SV2B: variants seen among roughly 807,000 people sequenced by gnomAD.
SV2B encodes the protein synaptic vesicle glycoprotein 2B, also known as solute carrier family 22 member B2.
A neutral mutation model predicts 73.9 loss-of-function variants in SV2B; 41 were observed. The observed-to-expected ratio is 0.56, with a 90% CI of 0.43 to 0.72. SV2B has a LOEUF of 0.72. Among genes scored for constraint, SV2B ranks in the 30% least tolerant of loss-of-function variants. SV2B has a pLI of 0.00. For missense variants in SV2B, 764 were observed against 857.8 expected (o/e 0.89, Z 1.37); for synonymous variants, 314 against 314.2 (o/e 1.00, Z 0.01).
At chr15:91,205,435 G>A (rs544426544) in intron 1 of SV2B, among the ~76,000 whole-genome samples, 4 of 151,776 alleles carry the variant, frequency 2.6e-5, no homozygotes, top group South Asian at 2.1e-4. Context: ...TGGTGATCTC[G>A]GTACACTGCA....
At chr15:91,188,218 T>C (rs969348271) in intron 1 of SV2B, among the ~76,000 whole-genome samples, 2 of 152,042 alleles carry the variant, frequency 1.3e-5, no homozygotes, top group African/African-American at 2.4e-5. Flanking sequence ...AAGGGGACTG[T>C]CTGTAGATTA....
At chr15:91,147,954 AC>A (rs949386468) in intron 1 of SV2B, among the ~76,000 whole-genome samples, 8 of 44,426 alleles carry the variant, frequency 1.8e-4, no homozygotes, top group Non-Finnish European at 2.8e-4. Flanking sequence ...CCCACCCCGC[AC>A]CCCCCCCAAC....
chr15:91,178,677 C>T (rs1461563052), intron 1 of SV2B, among the ~76,000 whole-genome samples: 13 of 151,472 alleles, frequency 8.6e-5, no homozygotes, highest in South Asian at 2.1e-4. Context: ...AGTTTATTTG[C>T]GTAGAGGTGT....
chr15:91,231,674 C>T lies in SV2B; in HGVS notation c.451+4960C>T, dbSNP rs2046580504. On this transcript the variant is annotated intron_variant, in intron 2 of 12. Coordinates refer to ENST00000394232, the MANE Select transcript of SV2B (RefSeq NM_001323032.3). The surrounding 1 kb of genome is among the most constrained non-coding windows in gnomAD (Gnocchi z 4.5). ...CCTCAACCTGGAACTGTGGGCTATT[C>T]CCTACCTTCATGCCTATAATAGTGA... 1.3e-5 allele frequency among the ~76,000 whole-genome samples: 2 copies of T among 152,154 alleles called. No individual in the cohort carries two copies. The highest frequency in any genetic ancestry group is 4.8e-5 in the African/African-American group (2 of 41,434).
At chr15:91,206,904 A>G (rs1325467461) in intron 1 of SV2B, among the ~76,000 whole-genome samples, 1 of 152,188 alleles carries the variant, frequency 6.6e-6, no homozygotes, top group Non-Finnish European at 1.5e-5. Flanking sequence ...ACATCATCCC[A>G]AATAGAAAAG....
rs1002556 is a variant in SV2B, at chr15:91,231,653, A to C, written c.451+4939A>C. 0.19 allele frequency among the ~76,000 whole-genome samples: 28,957 copies of C among 152,144 alleles called. 2,862 individuals carry two copies. Among genetic ancestry groups the C allele is most frequent in the African/African-American group, 0.22 (9,201 of 41,466 alleles). ...TTTCACAACTGCAAATAAGCACCTC[A>C]ACCTGGAACTGTGGGCTATTCCCTA... On this transcript the variant is annotated intron_variant, in intron 2 of 12. Coordinates refer to ENST00000394232, the MANE Select transcript of SV2B (RefSeq NM_001323032.3). The surrounding 1 kb of genome is among the most constrained non-coding windows in gnomAD (Gnocchi z 4.5).
chr15:91,104,063 C>T (rs1159356334), intron 1 of SV2B, among the ~76,000 whole-genome samples: 4 of 152,216 alleles, frequency 2.6e-5, no homozygotes, highest in Non-Finnish European at 1.5e-5. Flanking sequence ...TAGATGCGTA[C>T]CCTAGGGACT....
rs1318998735 is a variant in SV2B at position 91,234,653 on chromosome 15, A to G, written c.451+7939A>G. Among the ~76,000 whole-genome samples the G allele has an allele frequency of 6.6e-6, 1 of 152,196 alleles. No homozygotes were observed. The highest frequency in any genetic ancestry group is 1.5e-5 in the Non-Finnish European group (1 of 68,038). On this transcript the variant is annotated intron_variant, in intron 2 of 12. Transcript: ENST00000394232. This position sits in a 1 kb window ranked among gnomAD's most constrained non-coding sequence, Gnocchi z 5.6. ...GAAGTCTCATGAAATATAGAAACAGAGCATCATGGCTTCTTGGTCAATTCC... is the reference window on the plus strand; with the variant it reads ...GAAGTCTCATGAAATATAGAAACAGGGCATCATGGCTTCTTGGTCAATTCC...
At chr15:91,150,317 T>C (rs1470099534) in intron 1 of SV2B, among the ~76,000 whole-genome samples, 7 of 152,178 alleles carry the variant, frequency 4.6e-5, no homozygotes, top group Admixed American at 4.6e-4. Context: ...TCTGTCTGTC[T>C]CTCTATCACT....
At chr15:91,135,892 C>T (rs987296258) in intron 1 of SV2B, among the ~76,000 whole-genome samples, 1 of 152,192 alleles carries the variant, frequency 6.6e-6, no homozygotes, top group African/African-American at 2.4e-5. Flanking sequence ...CCTAAAACTC[C>T]TCTCTGTTCA....
intron 1 of SV2B, among the ~76,000 whole-genome samples, chr15:91,194,514 G>A (rs146531730): frequency 6.6e-6 from 1 of 152,176 alleles, no homozygotes; most frequent in African/African-American, 2.4e-5. Context: ...CAGAGTCTTA[G>A]ATATACGTAT....
In SV2B at chr15:91,274,694, A is replaced by C. The variant is rs986400218; in HGVS notation, c.1373+6089A>C. The stretch of plus-strand genomic sequence containing the variant: ...CATCTCACCAGCTATTTAGAAGTGC[A>C]TTTTAAGTGTCAAAATACCGTTAAA... On this transcript the variant is annotated intron_variant, in intron 9 of 12. Coordinates refer to ENST00000394232, the MANE Select transcript of SV2B (RefSeq NM_001323032.3). Among the ~76,000 whole-genome samples the C allele has an allele frequency of 2.0e-5, 3 of 152,168 alleles. No homozygotes were observed. The East Asian group carries it at 5.8e-4, about 29-fold the overall frequency.
At chr15:91,190,403 A>T (rs916645029) in intron 1 of SV2B, among the ~76,000 whole-genome samples, 4 of 150,716 alleles carry the variant, frequency 2.7e-5, no homozygotes, top group Non-Finnish European at 5.9e-5. Flanking sequence ...TATGTTTTAT[A>T]GTTGTGGTAA....
At position 91,283,204 on chromosome 15, in the gene SV2B, G is replaced by T. The variant is rs1484620906; in HGVS notation, c.1508-817G>T. Among the ~76,000 whole-genome samples the T allele has an allele frequency of 6.6e-6, 1 of 152,242 alleles. No individual in the cohort carries two copies. The highest frequency in any genetic ancestry group is 1.5e-5 in the Non-Finnish European group (1 of 68,038). Reference sequence around the variant, plus strand: ...GAACAGCTGATCTTAGAAGGTGTCAGAAGACTTGCAAACTGGTTCCAATGC... The same window carrying T: ...GAACAGCTGATCTTAGAAGGTGTCATAAGACTTGCAAACTGGTTCCAATGC... On this transcript the variant is annotated intron_variant, in intron 10 of 12. Coordinates refer to ENST00000394232, the MANE Select transcript of SV2B (RefSeq NM_001323032.3). The surrounding 1 kb of genome is among the most constrained non-coding windows in gnomAD (Gnocchi z 4.3).
rs1375963255 is a variant in SV2B, at chr15:91,115,074, C to T, written c.-392+14711C>T. The stretch of plus-strand genomic sequence containing the variant: ...AGGAAAGGGGAGTTTCTTAAAGGAA[C>T]ACTGGAGAGTTGTTACTGAAAGAAG... On this transcript the variant is annotated intron_variant, in intron 1 of 12. Transcript: ENST00000394232. The surrounding 1 kb of genome is among the most constrained non-coding windows in gnomAD (Gnocchi z 4.3). Among the ~76,000 whole-genome samples, 2 of 152,240 alleles carry T rather than the reference C, an allele frequency of 1.3e-5. No individual in the cohort carries two copies. The highest frequency in any genetic ancestry group is 1.5e-5 in the Non-Finnish European group (1 of 68,050).
rs896102265 is a variant in SV2B, at chr15:91,280,850, G to A, written c.1374-878G>A. 2.6e-5 allele frequency among the ~76,000 whole-genome samples: 4 copies of A among 152,194 alleles called. No individual in the cohort carries two copies. The highest frequency in any genetic ancestry group is 9.7e-5 in the African/African-American group (4 of 41,442). ...TCCCTGGAAACAACCGTTTCTATCA[G>A]TTTCTTGTGTAGCTCTCCAGATATA... On this transcript the variant is annotated intron_variant, in intron 9 of 12. Transcript: ENST00000394232. The surrounding 1 kb of genome is among the most constrained non-coding windows in gnomAD (Gnocchi z 5.8).
intron 1 of SV2B, among the ~76,000 whole-genome samples, chr15:91,127,423 T>C (rs534683971): frequency 9.9e-5 from 15 of 151,986 alleles, no homozygotes; most frequent in South Asian, 4.2e-4. Flanking sequence ...TGCCTTCTGC[T>C]TGGGACTGCC....
At position 91,198,066 on chromosome 15, in the gene SV2B, T is replaced by C. The variant is rs139921868; in HGVS notation, c.-391-27807T>C. On this transcript the variant is annotated intron_variant, in intron 1 of 12. Coordinates refer to ENST00000394232, the MANE Select transcript of SV2B (RefSeq NM_001323032.3). ...AACAAACAAAAATACACAAAACCTA[T>C]TTGATGAACACATTACTATGTAGGA... Among the ~76,000 whole-genome samples the C allele has an allele frequency of 6.4e-4, 98 of 152,118 alleles. No individual in the cohort carries two copies. In the East Asian group the frequency reaches 0.018, roughly 27 times the overall value.
rs10637206 is a variant in SV2B at position 91,134,004 on chromosome 15, C to CTTTTTT, written c.-392+33648_-392+33653dup. On this transcript the variant is annotated intron_variant, in intron 1 of 12. Transcript: ENST00000394232. ...TGCCTCTTCACCACTTTCTTTCTTC[C>CTTTTTT]TTTTTTTTTTTTGAGATGGAGTCTT... 2.1e-4 allele frequency among the ~76,000 whole-genome samples: 22 copies of CTTTTTT among 106,220 alleles called. 2 individuals carry two copies. Among genetic ancestry groups the CTTTTTT allele is most frequent in the Admixed American group, 5.0e-4 (5 of 9,988 alleles). 69.7% of individuals were successfully genotyped at this position (106,220 alleles called of 152,430 possible). A position where few individuals can be genotyped will look rare whatever the true frequency, so the allele number is the denominator to read the frequency against.
Sources: allele counts gnomAD v4.1 joint callset (sites outside exome capture counted in the v4.1 genomes callset), GRCh38; gene constraint gnomAD v4.1.1; non-coding constraint Gnocchi (gnomAD v3.1); transcripts MANE v1.5; gene names NCBI Gene and HGNC (gene_info 2026-07-23, HGNC 2026-07-21).